The following ACTR10 variants were observed in gnomAD, a reference collection of about 807,000 sequenced individuals.
ACTR10 encodes actin related protein 10.
A neutral mutation model predicts 56.2 loss-of-function variants in ACTR10; 43 were observed. The observed-to-expected ratio is 0.77, with a 90% CI of 0.60 to 0.99. ACTR10 has a LOEUF of 0.99. Among genes scored for constraint, ACTR10 ranks in the 50% least tolerant of loss-of-function variants. The pLI is 0.00. For missense variants in ACTR10, 466 were observed against 507.8 expected (o/e 0.92, Z 0.79); for synonymous variants, 170 against 176.3 (o/e 0.96, Z 0.28).
rs180950358 is a variant in ACTR10 at position 58,224,817 on chromosome 14, G to A, written c.788+961G>A. On this transcript the variant is annotated intron_variant, in intron 10 of 12. Transcript: ENST00000254286. ...CCAGCCTGACCAACAAGGAGAAACCGAGTCTCTACTAAAAATACAAAATTA... is the reference window on the plus strand; with the variant it reads ...CCAGCCTGACCAACAAGGAGAAACCAAGTCTCTACTAAAAATACAAAATTA... Among the ~76,000 whole-genome samples, 163 of 151,874 alleles carry A rather than the reference G, an allele frequency of 1.1e-3. 1 individual carries two copies. Among genetic ancestry groups the A allele is most frequent in the Non-Finnish European group, 1.8e-3 (123 of 67,946 alleles).
intron 1 of ACTR10, 63 bp downstream of exon 1, chr14:58,200,357 CA>C: frequency 7.3e-7 from 1 of 1,371,908 alleles, no homozygotes; most frequent in South Asian, 1.7e-5. Context: ...GAGCCCCAGG[CA>C]CTGCCTGGGT....
intron 12 of ACTR10, among the ~76,000 whole-genome samples, chr14:58,233,588 A>G (rs922598524): frequency 2.2e-4 from 34 of 152,212 alleles, no homozygotes; most frequent in Admixed American, 3.9e-4. Context: ...ACAGTAGACT[A>G]TTGGTAGTTA....
intron 1 of ACTR10, among the ~76,000 whole-genome samples, chr14:58,200,759 T>C (rs1888685951): frequency 6.6e-6 from 1 of 152,206 alleles, no homozygotes; most frequent in African/African-American, 2.4e-5. Flanking sequence ...GCTCAAGAAT[T>C]AGGGAGACTG....
At chr14:58,224,750 C>G (rs1379610947) in intron 10 of ACTR10, among the ~76,000 whole-genome samples, 1 of 151,876 alleles carries the variant, frequency 6.6e-6, no homozygotes, top group East Asian at 1.9e-4. Context: ...TGCCTGTAAT[C>G]CCAGTACTTT....
chr14:58,214,577 G>A (rs1030749799), intron 6 of ACTR10, among the ~76,000 whole-genome samples: 1 of 151,278 alleles, frequency 6.6e-6, no homozygotes, highest in Non-Finnish European at 1.5e-5. Context: ...CGCAACCTCC[G>A]CTGCCTGGTT....
Position 58,235,195 on chromosome 14 carries a change from C to T in ACTR10, c.*644C>T, listed in dbSNP as rs1192707197. 6.6e-6 allele frequency: 1 copy of T among 152,122 alleles called. No individual in the cohort carries two copies. Among genetic ancestry groups the T allele is most frequent in the Non-Finnish European group, 1.5e-5 (1 of 68,020 alleles). 9.4% of individuals were successfully genotyped at this position (152,122 alleles called of 1,614,324 possible). On this transcript the variant is annotated 3_prime_UTR_variant, in exon 13 of 13. Transcript: ENST00000254286. ...GTTCTGGGCTCATTAATTGTGTTTC[C>T]AGCAGTTACTCCATTTAAAGCATAA...
At chr14:58,205,306 T>A (rs1376023009) in intron 2 of ACTR10, among the ~76,000 whole-genome samples, 3 of 149,324 alleles carry the variant, frequency 2.0e-5, no homozygotes, top group Non-Finnish European at 4.4e-5. Context: ...TTTACATACA[T>A]CAGAAATCTT....
rs1889359336 is a variant in ACTR10 at position 58,224,769 on chromosome 14, C to A, written c.788+913C>A. On this transcript the variant is annotated intron_variant, in intron 10 of 12. Coordinates refer to ENST00000254286, the MANE Select transcript of ACTR10 (RefSeq NM_018477.3). ...TGTAATCCCAGTACTTTGGGCAGATCACCTGAGGTTGGAAGTTCGAGACCA... is the reference window on the plus strand; with the variant it reads ...TGTAATCCCAGTACTTTGGGCAGATAACCTGAGGTTGGAAGTTCGAGACCA... Among the ~76,000 whole-genome samples, 6 of 152,014 alleles carry A rather than the reference C, an allele frequency of 3.9e-5. No individual in the cohort carries two copies. In the South Asian group the frequency reaches 1.2e-3, roughly 31 times the overall value.
intron 8 of ACTR10, 41 bp from the exon 9 acceptor site, chr14:58,223,581 T>A (rs200704516): frequency 6.6e-7 from 1 of 1,514,184 alleles, no homozygotes; most frequent in Non-Finnish European, 9.0e-7. Flanking sequence ...TGTTCAATTA[T>A]AATAACTAGC....
In ACTR10 at chr14:58,235,233, A is replaced by G. The variant is rs1050844600; in HGVS notation, c.*682A>G. The G allele has an allele frequency of 3.3e-5, 5 of 152,202 alleles. No homozygotes were observed. The highest frequency in any genetic ancestry group is 6.5e-5 in the Admixed American group (1 of 15,272). The allele number at this position is 152,202 out of a possible 1,614,324, so 9.4% of individuals were successfully genotyped here. A position where few individuals can be genotyped will look rare whatever the true frequency, so the allele number is the denominator to read the frequency against. ...ATTTAAAGCATAAATAGTGTTAACC[A>G]TTACCAGTTATTTCAAATACTAACA... On this transcript the variant is annotated 3_prime_UTR_variant, in exon 13 of 13. Transcript: ENST00000254286.
chr14:58,212,139 A>G (rs1329705354), intron 5 of ACTR10, among the ~76,000 whole-genome samples: 1 of 152,176 alleles, frequency 6.6e-6, no homozygotes, highest in South Asian at 2.1e-4. Context: ...CAGTTTCTTT[A>G]TCTATAAATT....
intron 5 of ACTR10, among the ~76,000 whole-genome samples, chr14:58,212,203 A>T (rs1889019420): frequency 6.6e-6 from 1 of 152,146 alleles, no homozygotes; most frequent in South Asian, 2.1e-4. Context: ...GAGTGAGGTA[A>T]TATATATAAA....
At chr14:58,215,310 A>C (rs1889108296) in intron 7 of ACTR10, 26 bp downstream of exon 7, 6 of 1,463,486 alleles carry the variant, frequency 4.1e-6, no homozygotes, top group Non-Finnish European at 5.7e-6. Context: ...GTGGTTTAGG[A>C]GTGGTTTACA....
At chr14:58,214,036 T>C (rs1889067290) in intron 6 of ACTR10, among the ~76,000 whole-genome samples, 1 of 152,226 alleles carries the variant, frequency 6.6e-6, no homozygotes, top group Non-Finnish European at 1.5e-5. Context: ...TTATACTCTT[T>C]ACATGATTTT....
intron 10 of ACTR10, among the ~76,000 whole-genome samples, chr14:58,227,263 G>A (rs1415657592): frequency 2.0e-5 from 3 of 151,700 alleles, no homozygotes; most frequent in African/African-American, 7.3e-5. Flanking sequence ...GGGCGTGGTG[G>A]CTCATGCTTG....
chr14:58,215,064 C>T, intron 6 of ACTR10, 141 bp from the exon 7 acceptor site: 1 of 509,246 alleles, frequency 2.0e-6, no homozygotes, highest in East Asian at 3.4e-5. Flanking sequence ...TGGGATTGCG[C>T]CACTTCACTC....
chr14:58,209,206 TTTG>T, intron 4 of ACTR10, 99 bp downstream of exon 4: 1 of 849,656 alleles, frequency 1.2e-6, no homozygotes, highest in Non-Finnish European at 1.8e-6. Context: ...TCTCTTTTTT[TTTG>T]TTGGTAGGTA....
Position 58,200,164 on chromosome 14 carries a change from A to C in ACTR10, c.-54A>C. ...CCCCGGCCCCGCCCCGCGAGCGCCGAGACTTGTTGGCCGCGGAGACTGCGA... is the reference window on the plus strand; with the variant it reads ...CCCCGGCCCCGCCCCGCGAGCGCCGCGACTTGTTGGCCGCGGAGACTGCGA... On this transcript the variant is annotated 5_prime_UTR_variant, in exon 1 of 13. Transcript: ENST00000254286. 7.3e-7 allele frequency: 1 copy of C among 1,362,108 alleles called. No homozygotes were observed. Among genetic ancestry groups the C allele is most frequent in the Non-Finnish European group, 9.6e-7 (1 of 1,040,660 alleles). The allele number at this position is 1,362,108 out of a possible 1,614,324, so 84.4% of individuals were successfully genotyped here.
intron 2 of ACTR10, 58 bp downstream of exon 2, chr14:58,202,985 T>C: frequency 2.5e-6 from 3 of 1,191,734 alleles, no homozygotes; most frequent in Non-Finnish European, 3.7e-6. Flanking sequence ...TTTTAAAATA[T>C]GACTTCAAGT....
Sources: gnomAD v4.1 joint callset for allele counts (sites outside exome capture counted in the v4.1 genomes callset) on GRCh38, gnomAD v4.1.1 for gene constraint, MANE v1.5 for transcripts, NCBI Gene and HGNC (gene_info 2026-07-23, HGNC 2026-07-21) for gene names.